The following PLXDC2 variants were observed in gnomAD, a reference collection of about 807,000 sequenced individuals.
PLXDC2 encodes the protein plexin domain-containing protein 2.
In PLXDC2, 40 loss-of-function variants were observed where a neutral mutation model predicts 68.9. The ratio of observed to expected loss-of-function variants is 0.58; its 90% CI spans 0.45 to 0.76. The LOEUF (loss-of-function observed/expected upper bound fraction) is 0.76. Ranked by LOEUF, PLXDC2 falls within the 30% of genes least tolerant of loss-of-function variation. PLXDC2 has a pLI of 0.00. For missense variants in PLXDC2, 644 were observed against 661.9 expected, an observed-to-expected ratio of 0.97 and a Z score of 0.30; for synonymous variants, 243 against 234.2, an observed-to-expected ratio of 1.04 and a Z score of -0.34.
At chr10:19,880,242 C>A (rs1390597056) in intron 1 of PLXDC2, among the ~76,000 whole-genome samples, 1 of 152,168 alleles carries the variant, frequency 6.6e-6, no homozygotes, top group African/African-American at 2.4e-5. Context: ...TTATACTTTT[C>A]TTAAAAAACA....
chr10:19,987,508 CT>C (rs1287363900), intron 1 of PLXDC2, among the ~76,000 whole-genome samples: 1 of 151,546 alleles, frequency 6.6e-6, no homozygotes, highest in Non-Finnish European at 1.5e-5. Flanking sequence ...ACTTGCCATC[CT>C]TTTTTTACTC....
intron 1 of PLXDC2, among the ~76,000 whole-genome samples, chr10:19,906,112 G>A (rs971635999): frequency 3.9e-5 from 6 of 152,162 alleles, no homozygotes; most frequent in Admixed American, 2.6e-4. Context: ...GAGTGGTATG[G>A]AGCAAAATAA....
At chr10:20,133,783 A>G (rs1833899685) in intron 4 of PLXDC2, among the ~76,000 whole-genome samples, 1 of 152,170 alleles carries the variant, frequency 6.6e-6, no homozygotes, top group Non-Finnish European at 1.5e-5. Flanking sequence ...TTGTTTATGC[A>G]TAATAAGCTT....
At chr10:19,986,547 AC>A (rs59268386) in intron 1 of PLXDC2, among the ~76,000 whole-genome samples, 406 of 117,686 alleles carry the variant, frequency 3.4e-3, no homozygotes, top group Non-Finnish European at 4.7e-3. Context: ...TAAAAAAAAA[AC>A]AAAGAAAAAG....
At chr10:19,863,721 T>A (rs759499450) in intron 1 of PLXDC2, among the ~76,000 whole-genome samples, 46 of 152,228 alleles carry the variant, frequency 3.0e-4, no homozygotes, top group Non-Finnish European at 5.6e-4. Context: ...AGCATTTTTT[T>A]ATGTCAGTTC....
intron 13 of PLXDC2, among the ~76,000 whole-genome samples, chr10:20,254,973 A>C (rs1835723709): frequency 6.6e-6 from 1 of 152,206 alleles, no homozygotes; most frequent in South Asian, 2.1e-4. Flanking sequence ...TAAGTAACAC[A>C]TTTTCATTTA....
chr10:20,158,501 C>CAA lies in PLXDC2; in HGVS notation c.784-5942_784-5941dup, dbSNP rs59079629. ...GTAACATAATGAGACTCTGTCTCTG[C>CAA]AAAAAAAAAAAAAAAAAAAAAAAAA... On this transcript the variant is annotated intron_variant, in intron 6 of 13. Coordinates refer to ENST00000377252, the MANE Select transcript of PLXDC2 (RefSeq NM_032812.9). Among the ~76,000 whole-genome samples, 238 of 118,730 alleles carry CAA rather than the reference C, an allele frequency of 2.0e-3. 2 individuals are homozygous for CAA. Among genetic ancestry groups the CAA allele is most frequent in the Middle Eastern group, 4.4e-3 (1 of 228 alleles). 77.9% of individuals were successfully genotyped at this position (118,730 alleles called of 152,430 possible). A position where few individuals can be genotyped will look rare whatever the true frequency, so the allele number is the denominator to read the frequency against.
chr10:19,995,151 T>C (rs1834822173), intron 1 of PLXDC2, among the ~76,000 whole-genome samples: 1 of 152,202 alleles, frequency 6.6e-6, no homozygotes, highest in Non-Finnish European at 1.5e-5. Context: ...TTTTGAGACA[T>C]CTCTGTATCA....
Position 20,177,240 on chromosome 10 carries a change from G to A in PLXDC2, c.980-88G>A, listed in dbSNP as rs1342607418. Reference sequence around the variant, plus strand: ...GGCATTTTGCTCCTGAGGATTAGGGGGCAGTGATTTTTATTCTGGTTGAGT... The same window carrying A: ...GGCATTTTGCTCCTGAGGATTAGGGAGCAGTGATTTTTATTCTGGTTGAGT... On this transcript the variant is annotated intron_variant, in intron 8 of 13. Transcript: ENST00000377252. 9 of 1,338,150 alleles carry A rather than the reference G, an allele frequency of 6.7e-6. No homozygotes were observed. In the East Asian group the frequency reaches 1.2e-4, roughly 17 times the overall value. The allele number at this position is 1,338,150 out of a possible 1,614,324, so 82.9% of individuals were successfully genotyped here.
At chr10:20,040,293 C>T (rs968326550) in intron 2 of PLXDC2, among the ~76,000 whole-genome samples, 1 of 152,120 alleles carries the variant, frequency 6.6e-6, no homozygotes, top group African/African-American at 2.4e-5. Flanking sequence ...CACGTCTGGA[C>T]AGATTTTCGC....
intron 12 of PLXDC2, among the ~76,000 whole-genome samples, chr10:20,244,945 T>G (rs971729266): frequency 6.6e-6 from 1 of 151,972 alleles, no homozygotes; most frequent in Non-Finnish European, 1.5e-5. Flanking sequence ...TGAAATCCCA[T>G]CTCCACTAAA....
intron 1 of PLXDC2, among the ~76,000 whole-genome samples, chr10:19,838,767 C>T (rs1836847958): frequency 6.6e-6 from 1 of 152,130 alleles, no homozygotes; most frequent in African/African-American, 2.4e-5. Flanking sequence ...CTAATTTTAA[C>T]AATGTGCTGG....
At chr10:19,937,564 A>ATATATT (rs1833746310) in intron 1 of PLXDC2, among the ~76,000 whole-genome samples, 1 of 140,564 alleles carries the variant, frequency 7.1e-6, no homozygotes, top group African/African-American at 2.7e-5. Flanking sequence ...ATATATATAT[A>ATATATT]TATATATATA....
intron 1 of PLXDC2, among the ~76,000 whole-genome samples, chr10:19,990,307 T>C (rs1290882223): frequency 6.6e-6 from 1 of 152,198 alleles, no homozygotes; most frequent in Non-Finnish European, 1.5e-5. Context: ...GACATTGTTT[T>C]TCAATTATTT....
chr10:20,230,815 C>A (rs1588532035), intron 12 of PLXDC2, among the ~76,000 whole-genome samples: 1 of 145,608 alleles, frequency 6.9e-6, no homozygotes, highest in African/African-American at 2.5e-5. Flanking sequence ...TACTGACAAC[C>A]ACTTTGTCAT....
intron 6 of PLXDC2, among the ~76,000 whole-genome samples, chr10:20,153,957 T>G (rs1237955154): frequency 7.9e-5 from 12 of 152,128 alleles, no homozygotes; most frequent in Non-Finnish European, 4.4e-5. Context: ...TCATAGCATA[T>G]CAAGGCCATT....
intron 1 of PLXDC2, among the ~76,000 whole-genome samples, chr10:19,890,142 G>T (rs982365940): frequency 2.0e-5 from 3 of 152,140 alleles, no homozygotes; most frequent in African/African-American, 7.2e-5. Context: ...TGTCAACTTT[G>T]GGGGATAGCC....
At chr10:19,834,352 A>AGT (rs1211114910) in intron 1 of PLXDC2, among the ~76,000 whole-genome samples, 36 of 147,738 alleles carry the variant, frequency 2.4e-4, no homozygotes, top group African/African-American at 8.4e-4. Flanking sequence ...AGAGAGAGAG[A>AGT]GAGTGTGTGT....
intron 9 of PLXDC2, among the ~76,000 whole-genome samples, chr10:20,179,705 C>T (rs1056237701): frequency 2.0e-5 from 3 of 152,044 alleles, no homozygotes; most frequent in African/African-American, 7.2e-5. Flanking sequence ...ACATTCGAAA[C>T]ATATCTGCAA....
Sources: allele counts gnomAD v4.1 joint callset (sites outside exome capture counted in the v4.1 genomes callset), GRCh38; gene constraint gnomAD v4.1.1; transcripts MANE v1.5; gene names NCBI Gene and HGNC (gene_info 2026-07-23, HGNC 2026-07-21).